The following HEG1 variants were observed in gnomAD, a reference collection of about 807,000 sequenced individuals.
The protein encoded by HEG1 is protein HEG homolog 1.
In HEG1, 56 loss-of-function variants were observed where a neutral mutation model predicts 125.6. The ratio of observed to expected loss-of-function variants is 0.45; its 90% CI spans 0.36 to 0.56. The LOEUF (loss-of-function observed/expected upper bound fraction) is 0.56, where lower values mean the gene tolerates loss of function less well. HEG1 is among the 20% of genes least tolerant of loss of function. HEG1 has a pLI of 0.00. For missense variants in HEG1, 1,523 were observed against 1,670.0 expected (o/e 0.91, Z 1.53); for synonymous variants, 644 against 668.5 (o/e 0.96, Z 0.57).
intron 15 of HEG1, among the ~76,000 whole-genome samples, chr3:124,974,848 T>C (rs973609360): frequency 2.6e-5 from 4 of 152,326 alleles, no homozygotes; most frequent in Admixed American, 2.6e-4. Flanking sequence ...TTTGTGGAAG[T>C]TGGGAACAGA....
In HEG1 at chr3:125,019,308, A is replaced by G; in HGVS notation, c.1542T>C (p.Ser514=). The change falls in exon 5 of 17, where the codon TCT becomes TCC. Residue 514 remains serine (S), a synonymous_variant. Coordinates refer to ENST00000311127, the MANE Select transcript of HEG1 (RefSeq NM_020733.2). The part of the protein sequence containing the change: ...DRSYSESSST[S]SSESLNSSAP... ...CTGATGAATTCAAGCTTTCCGAGGA[A>G]GATGTAGATGAAGACTCTGAATAAC... 6.2e-7 allele frequency: 1 copy of G among 1,613,322 alleles called. No homozygotes were observed. The highest frequency in any genetic ancestry group is 8.5e-7 in the Non-Finnish European group (1 of 1,179,260).
At chr3:125,030,342 G>A (rs1207048911) in intron 1 of HEG1, among the ~76,000 whole-genome samples, 1 of 152,172 alleles carries the variant, frequency 6.6e-6, no homozygotes, top group Non-Finnish European at 1.5e-5. Context: ...ATTCCAAATT[G>A]AATTTATCTG....
At chr3:125,011,280 G>C (rs1190623492) in intron 6 of HEG1, among the ~76,000 whole-genome samples, 1 of 151,828 alleles carries the variant, frequency 6.6e-6, no homozygotes, top group African/African-American at 2.4e-5. Flanking sequence ...AAACAAATGA[G>C]CTAAACCTAA....
At chr3:125,014,724 C>T in intron 5 of HEG1, 2 of 1,273,604 alleles carry the variant, frequency 1.6e-6, no homozygotes, top group African/African-American at 1.5e-5. Flanking sequence ...TCCGAGTGCA[C>T]TGGAGGCGGC....
At position 125,020,927 on chromosome 3, in the gene HEG1, G is replaced by A; in HGVS notation, c.1117C>T (p.Leu373Phe). Residue 373 changes from leucine to phenylalanine, a missense_variant, in exon 4 of 17, where the codon CTT becomes TTT. Physicochemically the swap from Leu to Phe is conservative, Grantham distance 22. Coordinates refer to ENST00000311127, the MANE Select transcript of HEG1 (RefSeq NM_020733.2). ...SRIATTSSSV[L>F]LSPSAVESRR... Reference sequence around the variant, plus strand: ...GATTCCACTGCAGAGGGTGAAAGAAGGACTGAGGATGAAGTCGTGGCAATT... The same window carrying A: ...GATTCCACTGCAGAGGGTGAAAGAAAGACTGAGGATGAAGTCGTGGCAATT... The A allele has an allele frequency of 1.2e-6, 2 of 1,614,036 alleles. No individual in the cohort carries two copies. Among genetic ancestry groups the A allele is most frequent in the Non-Finnish European group, 1.7e-6 (2 of 1,179,900 alleles).
At position 124,968,484 on chromosome 3, in the gene HEG1, T is replaced by C. The variant is rs1487860284; in HGVS notation, c.*2168A>G. 6 of 152,158 alleles carry C rather than the reference T, an allele frequency of 3.9e-5. No individual in the cohort carries two copies. Among genetic ancestry groups the C allele is most frequent in the African/African-American group, 7.2e-5 (3 of 41,416 alleles). The allele number at this position is 152,158 out of a possible 1,614,324, so 9.4% of individuals were successfully genotyped here. A position where few individuals can be genotyped will look rare whatever the true frequency, so the allele number is the denominator to read the frequency against. On this transcript the variant is annotated 3_prime_UTR_variant, in exon 17 of 17. Transcript: ENST00000311127. ...GGAAGAAACCCATGAACAAGAAGCA[T>C]TGTTGGAACTCACAGGACACCGTTT...
chr3:124,978,802 AAAATAAATAAATAAAT>A (rs10673332), intron 14 of HEG1, among the ~76,000 whole-genome samples: 46 of 140,086 alleles, frequency 3.3e-4, no homozygotes, highest in African/African-American at 9.1e-4. Context: ...CTCTGTCTCA[AAAATAAATAAATAAAT>A]AAATAAATAA....
At chr3:125,049,203 T>A (rs978744708) in intron 1 of HEG1, among the ~76,000 whole-genome samples, 1 of 152,180 alleles carries the variant, frequency 6.6e-6, no homozygotes, top group Admixed American at 6.5e-5. Context: ...GCCTTTTAAC[T>A]TGGATAGTTT....
At chr3:125,024,434 C>T (rs1172877630) in intron 3 of HEG1, among the ~76,000 whole-genome samples, 2 of 152,204 alleles carry the variant, frequency 1.3e-5, no homozygotes, top group Non-Finnish European at 2.9e-5. Flanking sequence ...TATCTCTTTC[C>T]ACCTTCAAAA....
At chr3:125,045,421 A>T (rs923987220) in intron 1 of HEG1, among the ~76,000 whole-genome samples, 1 of 152,200 alleles carries the variant, frequency 6.6e-6, no homozygotes, top group East Asian at 1.9e-4. Flanking sequence ...ATTCTCTCGC[A>T]ATCCTAGGTC....
At chr3:124,997,664 G>A in intron 12 of HEG1, 25 bp downstream of exon 12, 1 of 1,553,278 alleles carries the variant, frequency 6.4e-7, no homozygotes, top group Non-Finnish European at 8.7e-7. Context: ...ACTGGGCACA[G>A]AACCCCAGGC....
rs538733623 is a variant in HEG1 at position 124,971,031 on chromosome 3, G to A, written c.3997-230C>T. The A allele has an allele frequency of 2.8e-5, 17 of 610,158 alleles. No individual in the cohort carries two copies. The East Asian group carries it at 5.6e-4, about 20-fold the overall frequency. 37.8% of individuals were successfully genotyped at this position (610,158 alleles called of 1,614,324 possible). A position where few individuals can be genotyped will look rare whatever the true frequency, so the allele number is the denominator to read the frequency against. On this transcript the variant is annotated intron_variant, in intron 16 of 16. Coordinates refer to ENST00000311127, the MANE Select transcript of HEG1 (RefSeq NM_020733.2). ...CATGCAGAAGGCAACTGATGCAAAC[G>A]GAGGAACTGACCTTTATAAGGTCCT...
At chr3:124,984,133 A>C (rs1426504187) in intron 14 of HEG1, among the ~76,000 whole-genome samples, 1 of 152,208 alleles carries the variant, frequency 6.6e-6, no homozygotes, top group Non-Finnish European at 1.5e-5. Flanking sequence ...CAACTGGGTG[A>C]ACACAACTGA....
intron 1 of HEG1, among the ~76,000 whole-genome samples, chr3:125,051,912 A>G (rs1937814042): frequency 6.6e-6 from 1 of 152,188 alleles, no homozygotes; most frequent in Non-Finnish European, 1.5e-5. Context: ...CCAGGAGGGC[A>G]GAGGCTCCTT....
In HEG1 at chr3:125,013,866, A is replaced by G; in HGVS notation, c.1713T>C (p.Ile571=). Residue 571 remains isoleucine (I), a synonymous_variant, in exon 6 of 17, where the codon ATT becomes ATC. Transcript: ENST00000311127. ...FTKGERALLS[I]TDNSSSSDIV... ...TGTCTGAGGATGAACTGTTATCTGT[A>G]ATGGACAGTAACGCCCGTTCTCCTT... is the stretch of plus-strand genomic sequence containing the variant. 6.2e-7 allele frequency: 1 copy of G among 1,613,912 alleles called. No homozygotes were observed. The highest frequency in any genetic ancestry group is 1.1e-5 in the South Asian group (1 of 91,072).
At chr3:125,040,752 T>C (rs1937587967) in intron 1 of HEG1, among the ~76,000 whole-genome samples, 1 of 151,934 alleles carries the variant, frequency 6.6e-6, no homozygotes, top group Non-Finnish European at 1.5e-5. Flanking sequence ...TCCTTTAAAA[T>C]TCCCCTTTGA....
chr3:125,023,237 C>CT (rs778132102), intron 3 of HEG1, among the ~76,000 whole-genome samples: 8 of 112,912 alleles, frequency 7.1e-5, no homozygotes, highest in Non-Finnish European at 1.4e-4. Flanking sequence ...AACAAACAAA[C>CT]CAAAAAAACT....
intron 3 of HEG1, among the ~76,000 whole-genome samples, chr3:125,022,815 C>A (rs1288462198): frequency 6.6e-6 from 1 of 152,202 alleles, no homozygotes; most frequent in Non-Finnish European, 1.5e-5. Context: ...CAAATTACAG[C>A]CTCATTAGCT....
In HEG1 at chr3:125,050,746, C is replaced by T. The variant is rs137944586; in HGVS notation, c.316+4829G>A. ...GGCACTGCAACCTCATCACCTCACA[C>T]GGCTCTTCCACATAGCAAGGCTTCT... On this transcript the variant is annotated intron_variant, in intron 1 of 16. Transcript: ENST00000311127. 2.8e-3 allele frequency among the ~76,000 whole-genome samples: 427 copies of T among 152,300 alleles called. 1 individual carries two copies. Among genetic ancestry groups the T allele is most frequent in the African/African-American group, 9.2e-3 (382 of 41,552 alleles).
Sources: allele counts gnomAD v4.1 joint callset (sites outside exome capture counted in the v4.1 genomes callset), GRCh38; gene constraint gnomAD v4.1.1; transcripts MANE v1.5; gene names NCBI Gene and HGNC (gene_info 2026-07-23, HGNC 2026-07-21).